FGGY: variants seen among roughly 807,000 people sequenced by gnomAD.
FGGY encodes the protein FGGY carbohydrate kinase domain containing.
In FGGY, 72 loss-of-function variants were observed where a neutral mutation model predicts 71.3. The ratio of observed to expected loss-of-function variants is 1.01; its 90% CI spans 0.84 to 1.23. FGGY has a LOEUF of 1.23. Ranked by LOEUF, FGGY falls within the 50% of genes most tolerant of loss-of-function variation. The pLI, the probability that FGGY is intolerant of heterozygous loss-of-function variation, is 0.00. For missense variants in FGGY, 668 were observed against 682.3 expected (o/e 0.98, Z 0.23); for synonymous variants, 251 against 250.3 (o/e 1.00, Z -0.02).
intron 6 of FGGY, chr1:59,474,061 C>T (rs1468818518): frequency 1.3e-5 from 2 of 152,254 alleles, no homozygotes; most frequent in Admixed American, 6.5e-5. Context: ...AGAATATTCA[C>T]TCCTGCATCA....
At chr1:59,351,759 A>G (rs114481980) in intron 4 of FGGY, among the ~76,000 whole-genome samples, 3,721 of 152,270 alleles carry the variant, frequency 0.024, 176 homozygotes, top group African/African-American at 0.086. Context: ...ATATCAATAG[A>G]ACATTGACAC....
chr1:59,439,557 AG>A (rs1322823067), intron 5 of FGGY, among the ~76,000 whole-genome samples: 3 of 152,194 alleles, frequency 2.0e-5, no homozygotes, highest in African/African-American at 7.2e-5. Flanking sequence ...ATCCTTTTAA[AG>A]AAGACTGTCA....
intron 7 of FGGY, among the ~76,000 whole-genome samples, chr1:59,534,779 G>A (rs1382609978): frequency 1.3e-5 from 2 of 151,910 alleles, no homozygotes; most frequent in Admixed American, 6.6e-5. Context: ...ACAAGCAAAT[G>A]CTGAGAGATT....
intron 7 of FGGY, among the ~76,000 whole-genome samples, chr1:59,535,649 A>G (rs1475812248): frequency 2.0e-5 from 3 of 151,276 alleles, no homozygotes; most frequent in Non-Finnish European, 1.5e-5. Context: ...ACCACAGTGC[A>G]ATCAAACTAG....
chr1:59,556,882 G>A (rs867062628), intron 8 of FGGY, among the ~76,000 whole-genome samples: 28 of 152,148 alleles, frequency 1.8e-4, no homozygotes, highest in African/African-American at 6.5e-4. Flanking sequence ...AGTTGGTTGC[G>A]ATGAATGAGG....
At chr1:59,302,240 T>C (rs1044844071) in intron 1 of FGGY, among the ~76,000 whole-genome samples, 5 of 152,192 alleles carry the variant, frequency 3.3e-5, no homozygotes, top group Non-Finnish European at 5.9e-5. Context: ...TATAGTTTTC[T>C]TGTATCAGCT....
intron 14 of FGGY, among the ~76,000 whole-genome samples, chr1:59,741,164 C>G (rs558873753): frequency 6.6e-6 from 1 of 152,258 alleles, no homozygotes; most frequent in Admixed American, 6.5e-5. Context: ...GGCACAGTGG[C>G]TCACACCTGT....
chr1:59,400,294 C>T (rs1244836591), intron 5 of FGGY, among the ~76,000 whole-genome samples: 1 of 152,208 alleles, frequency 6.6e-6, no homozygotes, highest in African/African-American at 2.4e-5. Context: ...CACCCATTCA[C>T]TCAACCTCCT....
chr1:59,361,688 A>G, intron 4 of FGGY, among the ~76,000 whole-genome samples: 1 of 152,192 alleles, frequency 6.6e-6, no homozygotes. Flanking sequence ...AGCCACAATC[A>G]GAGAAAGGTC....
chr1:59,509,402 C>T (rs1229127959), intron 6 of FGGY, among the ~76,000 whole-genome samples: 5 of 152,180 alleles, frequency 3.3e-5, no homozygotes, highest in African/African-American at 1.2e-4. Context: ...CTTAAAAAAG[C>T]ACAAGTTTAA....
At chr1:59,760,054 G>A (rs1479352867) in intron 15 of FGGY, among the ~76,000 whole-genome samples, 1 of 152,056 alleles carries the variant, frequency 6.6e-6, no homozygotes. Context: ...TCCAGTAAGG[G>A]ATTGATATCC....
intron 10 of FGGY, among the ~76,000 whole-genome samples, chr1:59,634,225 T>G (rs905891496): frequency 6.6e-6 from 1 of 151,966 alleles, no homozygotes; most frequent in Non-Finnish European, 1.5e-5. Flanking sequence ...GCCAACATAG[T>G]GAAACCCCAT....
intron 11 of FGGY, among the ~76,000 whole-genome samples, chr1:59,652,061 A>T (rs1047467158): frequency 5.9e-5 from 9 of 151,392 alleles, no homozygotes; most frequent in East Asian, 2.0e-4. Flanking sequence ...TCTTTTCTTT[A>T]AGAATGTTGA....
intron 8 of FGGY, among the ~76,000 whole-genome samples, chr1:59,600,458 T>A (rs536942283): frequency 1.3e-5 from 2 of 152,246 alleles, no homozygotes; most frequent in East Asian, 3.9e-4. Context: ...TAGGACTGGA[T>A]GAGCTGACCC....
intron 5 of FGGY, among the ~76,000 whole-genome samples, chr1:59,402,387 A>G (rs955531011): frequency 3.3e-5 from 5 of 152,198 alleles, no homozygotes; most frequent in African/African-American, 1.2e-4. Flanking sequence ...TAGGACCAAG[A>G]GTGGGCTACA....
intron 8 of FGGY, among the ~76,000 whole-genome samples, chr1:59,595,582 C>T (rs1211558578): frequency 6.6e-6 from 1 of 151,962 alleles, no homozygotes; most frequent in Non-Finnish European, 1.5e-5. Context: ...CCCAGCTACT[C>T]GAGAGACTGA....
intron 6 of FGGY, among the ~76,000 whole-genome samples, chr1:59,469,192 A>G (rs1171437637): frequency 1.3e-5 from 2 of 152,232 alleles, no homozygotes; most frequent in Non-Finnish European, 2.9e-5. Context: ...GCCTGAGTAC[A>G]GGTGGCTCAA....
chr1:59,638,414 G>A, intron 11 of FGGY, 39 bp downstream of exon 11: 2 of 1,605,608 alleles, frequency 1.2e-6, no homozygotes, highest in East Asian at 4.5e-5. Flanking sequence ...GTGAAGGCAG[G>A]CCAAAGGGCT....
intron 7 of FGGY, among the ~76,000 whole-genome samples, chr1:59,513,571 T>C (rs1397297385): frequency 1.3e-5 from 2 of 152,218 alleles, no homozygotes; most frequent in African/African-American, 4.8e-5. Flanking sequence ...TAAATTATGC[T>C]TTTTTTCAGC....
Sources: gnomAD v4.1 joint callset for allele counts (sites outside exome capture counted in the v4.1 genomes callset) on GRCh38, gnomAD v4.1.1 for gene constraint, MANE v1.5 for transcripts, NCBI Gene and HGNC (gene_info 2026-07-23, HGNC 2026-07-21) for gene names.